AHRR: variants seen among roughly 807,000 people sequenced by gnomAD.
AHRR encodes the protein aryl hydrocarbon receptor repressor, also known as ahR repressor.
In AHRR, 28 loss-of-function variants were observed where a neutral mutation model predicts 44.0. The observed-to-expected ratio is 0.64, with a 90% CI of 0.47 to 0.87. The LOEUF (loss-of-function observed/expected upper bound fraction) is 0.87, where lower values mean the gene tolerates loss of function less well. AHRR is among the 40% of genes least tolerant of loss of function. The pLI is 0.00. For missense variants in AHRR, 990 were observed against 953.9 expected (o/e 1.04, Z -0.50); for synonymous variants, 434 against 407.0 (o/e 1.07, Z -0.80).
chr5:348,349 C>A (rs1208448839), intron 2 of AHRR, among the ~76,000 whole-genome samples: 1 of 141,992 alleles, frequency 7.0e-6, no homozygotes, highest in East Asian at 2.1e-4. Context: ...TTTTTTTTTG[C>A]ATTTTGATGT....
At chr5:392,900 T>G (rs1027264803) in intron 4 of AHRR, among the ~76,000 whole-genome samples, 1 of 152,018 alleles carries the variant, frequency 6.6e-6, no homozygotes, top group African/African-American at 2.4e-5. Context: ...TGCGTTTCCT[T>G]CTCGGTGTAG....
At chr5:407,450 T>G (rs946588902) in intron 4 of AHRR, among the ~76,000 whole-genome samples, 1 of 152,252 alleles carries the variant, frequency 6.6e-6, no homozygotes, top group African/African-American at 2.4e-5. Context: ...TCTACAATTA[T>G]GTACCCTAAT....
At position 434,516 on chromosome 5, in the gene AHRR, G is replaced by A. The variant is rs768956904; in HGVS notation, c.1776G>A (p.Arg592=). 1.9e-6 allele frequency: 3 copies of A among 1,612,208 alleles called. No individual in the cohort carries two copies. The highest frequency in any genetic ancestry group is 2.5e-6 in the Non-Finnish European group (3 of 1,179,722). The change falls in exon 11 of 11, where the codon CGG becomes CGA. Residue 592 remains arginine, a synonymous_variant. Transcript: ENST00000684583. The part of the protein sequence containing the change: ...VYISHLGHGV[R]GAQPHGRATA... ...TCTCGCACCTGGGGCACGGCGTGCG[G>A]GGGGCTCAGCCCCATGGGAGGGCCA...
chr5:417,158 A>C (rs1735861123), intron 5 of AHRR, among the ~76,000 whole-genome samples: 1 of 147,070 alleles, frequency 6.8e-6, no homozygotes, highest in South Asian at 2.2e-4. Context: ...AGTCTGGAGA[A>C]GGCCGCTTGG....
At chr5:423,722 T>G in intron 6 of AHRR, 119 bp from the exon 7 acceptor site, 1 of 1,323,978 alleles carries the variant, frequency 7.6e-7, no homozygotes, top group South Asian at 1.6e-5. Context: ...GGCGGGAGGA[T>G]GGCACAGTGA....
intron 4 of AHRR, among the ~76,000 whole-genome samples, chr5:391,056 G>A (rs1033829972): frequency 7.2e-6 from 1 of 139,120 alleles, no homozygotes; most frequent in African/African-American, 2.6e-5. Context: ...TCAGACAGAC[G>A]GGAGAGGCCC....
chr5:382,371 A>G (rs1200131015), intron 4 of AHRR, among the ~76,000 whole-genome samples: 1 of 152,162 alleles, frequency 6.6e-6, no homozygotes, highest in East Asian at 1.9e-4. Context: ...TCTTAGGTGA[A>G]TTGTACTAGT....
rs113564712 is a variant in AHRR, at chr5:393,645, GT to G, written c.351+16939del. Among the ~76,000 whole-genome samples, 26 of 149,130 alleles carry G rather than the reference GT, an allele frequency of 1.7e-4. No individual in the cohort carries two copies. In the East Asian group the frequency reaches 1.9e-3, roughly 11 times the overall value. On this transcript the variant is annotated intron_variant, in intron 4 of 10. Coordinates refer to ENST00000684583, the MANE Select transcript of AHRR (RefSeq NM_001377236.1). ...TTTATTGTTTTATTTGTTTTCTTTG[GT>G]TTTTTTTTTGAGACAGAGTCTCACT...
chr5:343,139 TG>T, intron 1 of AHRR, among the ~76,000 whole-genome samples: 1 of 151,238 alleles, frequency 6.6e-6, no homozygotes, highest in East Asian at 1.9e-4. Flanking sequence ...CATGCGCTCT[TG>T]GGGGTGATGG....
chr5:434,246 G>A lies in AHRR; in HGVS notation c.1506G>A (p.Thr502=), dbSNP rs768985988. 2.3e-5 allele frequency: 36 copies of A among 1,595,274 alleles called. No individual in the cohort carries two copies. Among genetic ancestry groups the A allele is most frequent in the East Asian group, 8.9e-5 (4 of 44,700 alleles). ...AGCCTGGAGCTCAGCGTTTTGCCAC[G>A]AGGGGCTATCCCATGGAGGACATGA... ...LPQPGAQRFA[T]RGYPMEDMKL... The change falls in exon 11 of 11, where the codon ACG becomes ACA. Residue 502 remains threonine (T), a synonymous_variant. Transcript: ENST00000684583.
chr5:428,093 C>T, intron 8 of AHRR, 87 bp downstream of exon 8: 3 of 1,410,260 alleles, frequency 2.1e-6, no homozygotes, highest in Non-Finnish European at 2.0e-6. Flanking sequence ...TCTGTGTCTT[C>T]TTTCTTCATT....
At position 429,356 on chromosome 5, in the gene AHRR, C is replaced by T. The variant is rs532110120; in HGVS notation, c.908+1350C>T. On this transcript the variant is annotated intron_variant, in intron 8 of 10. Transcript: ENST00000684583. Reference sequence around the variant, plus strand: ...CGCCAGGATGCCGGAGATCCAACTTCCTCTCAGAGAATCGTGCAGGACCCC... The same window carrying T: ...CGCCAGGATGCCGGAGATCCAACTTTCTCTCAGAGAATCGTGCAGGACCCC... Among the ~76,000 whole-genome samples, 13 of 152,312 alleles carry T rather than the reference C, an allele frequency of 8.5e-5. 2 individuals are homozygous for T. In the South Asian group the frequency reaches 2.7e-3, roughly 32 times the overall value.
chr5:432,081 A>T (rs969174575), intron 8 of AHRR: 1 of 261,232 alleles, frequency 3.8e-6, no homozygotes, highest in African/African-American at 2.3e-5. Flanking sequence ...TTGGTCTCCA[A>T]CTCACCTCAG....
intron 5 of AHRR, among the ~76,000 whole-genome samples, chr5:415,337 T>TCGGGTGGGAGGCCTA (rs1560915672): frequency 1.4e-5 from 2 of 147,862 alleles, no homozygotes; most frequent in Non-Finnish European, 3.0e-5. Context: ...ATCTGCCTGG[T>TCGGGTGGGAGGCCTA]GGGGCGGGAG....
At chr5:350,846 T>C (rs1391735664) in intron 2 of AHRR, among the ~76,000 whole-genome samples, 1 of 143,188 alleles carries the variant, frequency 7.0e-6, no homozygotes. Flanking sequence ...TAAATAGAAA[T>C]CGTGTACTCA....
intron 1 of AHRR, among the ~76,000 whole-genome samples, chr5:325,165 C>T (rs1310070685): frequency 6.6e-6 from 1 of 152,234 alleles, no homozygotes; most frequent in Non-Finnish European, 1.5e-5. Flanking sequence ...TCCCCTGCCC[C>T]GCTTCATCTT....
intron 2 of AHRR, among the ~76,000 whole-genome samples, chr5:346,088 G>A (rs1742667297): frequency 6.6e-6 from 1 of 152,120 alleles, no homozygotes; most frequent in East Asian, 2.0e-4. Context: ...GCCGAGGCCG[G>A]GACCAAGGGC....
chr5:378,739 C>T (rs761164911), intron 4 of AHRR, among the ~76,000 whole-genome samples: 34 of 152,174 alleles, frequency 2.2e-4, no homozygotes, highest in Admixed American at 4.6e-4. Flanking sequence ...CTGCACAATA[C>T]GAGTCAGAGC....
chr5:428,065 C>T (rs918156915), intron 8 of AHRR, 59 bp downstream of exon 8: 62 of 1,519,930 alleles, frequency 4.1e-5, no homozygotes, highest in Non-Finnish European at 5.3e-5. Context: ...CCACAAAACA[C>T]CTCCACACTC....
Sources: gnomAD v4.1 joint callset for allele counts (sites outside exome capture counted in the v4.1 genomes callset) on GRCh38, gnomAD v4.1.1 for gene constraint, MANE v1.5 for transcripts, NCBI Gene and HGNC (gene_info 2026-07-23, HGNC 2026-07-21) for gene names.